MMRN2: variants seen among roughly 807,000 people sequenced by gnomAD.
The protein encoded by MMRN2 is multimerin 2.
MMRN2 carries 53 observed loss-of-function variants against 68.8 expected under a neutral mutation model. The ratio of observed to expected loss-of-function variants is 0.77; its 90% CI spans 0.62 to 0.97. MMRN2 has a LOEUF of 0.97. Among genes scored for constraint, MMRN2 ranks in the 50% least tolerant of loss-of-function variants. The probability of loss-of-function intolerance (pLI) is 0.00; values close to 1 mark genes in which losing one functional copy is unlikely to be tolerated. For synonymous variants in MMRN2, 564 were observed against 551.6 expected (o/e 1.02, Z -0.32); for missense variants, 1,266 against 1,259.5 (o/e 1.01, Z -0.08).
chr10:86,952,960 T>C (rs1844164827), intron 1 of MMRN2, among the ~76,000 whole-genome samples: 2 of 152,298 alleles, frequency 1.3e-5, no homozygotes, highest in South Asian at 4.1e-4. Flanking sequence ...CCTAGGGTCT[T>C]AATATTATAT....
chr10:86,956,934 C>T (rs1470613237), intron 1 of MMRN2, among the ~76,000 whole-genome samples: 5 of 152,238 alleles, frequency 3.3e-5, no homozygotes, highest in African/African-American at 7.2e-5. Flanking sequence ...AGCAGGGGGC[C>T]GTCTCTGCTC....
At chr10:86,953,056 T>A (rs1353890956) in intron 1 of MMRN2, among the ~76,000 whole-genome samples, 3 of 152,210 alleles carry the variant, frequency 2.0e-5, no homozygotes, top group African/African-American at 4.8e-5. Context: ...ATATGGCTCC[T>A]TTTGCCCGAC....
At chr10:86,941,352 A>G (rs2133676718) in intron 6 of MMRN2, among the ~76,000 whole-genome samples, 1 of 152,346 alleles carries the variant, frequency 6.6e-6, no homozygotes, top group African/African-American at 2.4e-5. Context: ...TTTAACTTGT[A>G]AATTAGGCAC....
rs565501854 is a variant in MMRN2 at position 86,942,849 on chromosome 10, A to G, written c.1935T>C (p.Ala645=). 6.4e-5 allele frequency: 89 copies of G among 1,389,868 alleles called. No individual in the cohort carries two copies. In the African/African-American group the frequency reaches 1.2e-3, roughly 19 times the overall value. The allele number at this position is 1,389,868 out of a possible 1,614,324, so 86.1% of individuals were successfully genotyped here. Residue 645 remains alanine (A), a synonymous_variant, in exon 6 of 7, where the codon GCT becomes GCC. Coordinates refer to ENST00000372027, the MANE Select transcript of MMRN2 (RefSeq NM_024756.3). ...EQIRVALQDA[A]SGLQEQALGW... ...CGAGCGCCTGCTCCTGCAGCCCGCT[A>G]GCGGCGTCCTGCAGGGCCACGCGGA...
chr10:86,951,958 G>A (rs1844150474), intron 1 of MMRN2, among the ~76,000 whole-genome samples: 1 of 152,186 alleles, frequency 6.6e-6, no homozygotes, highest in African/African-American at 2.4e-5. Flanking sequence ...TGAGGTGGAA[G>A]GATTGCTTGA....
In MMRN2 at chr10:86,944,303, T is replaced by A. The variant is rs755337097; in HGVS notation, c.614A>T (p.Asn205Ile). Residue 205 changes from asparagine to isoleucine, a missense_variant, in exon 5 of 7, where the codon AAC becomes ATC. Physicochemically the swap from Asn to Ile is moderately radical, Grantham distance 149 (BLOSUM62 -3). Coordinates refer to ENST00000372027, the MANE Select transcript of MMRN2 (RefSeq NM_024756.3). The stretch of plus-strand genomic sequence containing the variant: ...TGCTTCCATCACTGCAGCTGTGAGG[T>A]TACCAGGCAGGGCTTTCCACAGGCC... Reference protein sequence around the residue: ...LPGLWKALPGNLTAAVMEANQ... With the variant: ...LPGLWKALPGILTAAVMEANQ... 2 of 1,613,088 alleles carry A rather than the reference T, an allele frequency of 1.2e-6. No homozygotes were observed. The highest frequency in any genetic ancestry group is 1.7e-6 in the Non-Finnish European group (2 of 1,179,480).
Position 86,938,718 on chromosome 10 carries a change from A to G in MMRN2, c.2468-1593T>C, listed in dbSNP as rs775370909. On this transcript the variant is annotated intron_variant, in intron 6 of 6. Transcript: ENST00000372027. ...CTTCAGAGGAGCAGTTTGCTGAGCA[A>G]TTACTGACTTGGGTCCCGGAACTCA... is the stretch of plus-strand genomic sequence containing the variant. Among the ~76,000 whole-genome samples, 29 of 152,366 alleles carry G rather than the reference A, an allele frequency of 1.9e-4. No individual in the cohort carries two copies. The Middle Eastern group carries it at 0.01, about 54-fold the overall frequency.
At chr10:86,952,144 T>C (rs1203164519) in intron 1 of MMRN2, among the ~76,000 whole-genome samples, 1 of 152,180 alleles carries the variant, frequency 6.6e-6, no homozygotes, top group Non-Finnish European at 1.5e-5. Flanking sequence ...TGATGGGGCG[T>C]TGGCTCAGGA....
Position 86,944,270 on chromosome 10 carries a change from G to C in MMRN2, c.647C>G (p.Thr216Arg), listed in dbSNP as rs143561077. The change falls in exon 5 of 7, where the codon ACA becomes AGA. Residue 216 changes from threonine to arginine, a missense_variant. By Grantham distance (71) the Thr-to-Arg change is moderately conservative. Coordinates refer to ENST00000372027, the MANE Select transcript of MMRN2 (RefSeq NM_024756.3). ...LTAAVMEANQ[T>R]GHEFPDRSLE... ...TAGAGCCTGCCACTCACCGTGCCCT[G>C]TTTGATTTGCTTCCATCACTGCAGC... 1.0e-5 allele frequency: 16 copies of C among 1,607,260 alleles called. No homozygotes were observed. The East Asian group carries it at 2.5e-4, about 25-fold the overall frequency.
chr10:86,947,007 C>T (rs1348649331), intron 1 of MMRN2, among the ~76,000 whole-genome samples: 1 of 152,110 alleles, frequency 6.6e-6, no homozygotes, highest in East Asian at 1.9e-4. Flanking sequence ...AGGGAGAAGC[C>T]AGACCTCAGC....
At position 86,942,698 on chromosome 10, in the gene MMRN2, C is replaced by A. The variant is rs776827575; in HGVS notation, c.2086G>T (p.Gly696Trp). The change falls in exon 6 of 7, where the codon GGG becomes TGG. Residue 696 changes from glycine to tryptophan, a missense_variant. Transcript: ENST00000372027. ...AGGCTCTGGAGCTCCCGCGCCAGCC[C>A]GGCCAGGGCGGTGGTGGCGGCCTCC... is the stretch of plus-strand genomic sequence containing the variant. ...REEAATTALA[G>W]LARELQSLSN... 7 of 1,550,924 alleles carry A rather than the reference C, an allele frequency of 4.5e-6. No individual in the cohort carries two copies. In the Admixed American group the frequency reaches 7.3e-5, roughly 16 times the overall value.
chr10:86,955,262 G>A (rs967823390), intron 1 of MMRN2, among the ~76,000 whole-genome samples: 1 of 152,142 alleles, frequency 6.6e-6, no homozygotes, highest in Non-Finnish European at 1.5e-5. Flanking sequence ...TGGGTCTGAG[G>A]CACCCACATT....
intron 1 of MMRN2, among the ~76,000 whole-genome samples, chr10:86,950,995 GGATAATT>G (rs1589306186): frequency 6.6e-6 from 1 of 152,100 alleles, no homozygotes; most frequent in East Asian, 1.9e-4. Flanking sequence ...GGCTGAGGCA[GGATAATT>G]GCTTGAATCT....
Position 86,936,807 on chromosome 10 carries a change from C to G in MMRN2, c.2786G>C (p.Gly929Ala), listed in dbSNP as rs1383439074. 6.2e-7 allele frequency: 1 copy of G among 1,614,182 alleles called. No homozygotes were observed. Residue 929 changes from glycine (G) to alanine (A), a missense_variant, in exon 7 of 7, where the codon GGA becomes GCA. By Grantham distance (60) the Gly-to-Ala change is moderately conservative. Coordinates refer to ENST00000372027, the MANE Select transcript of MMRN2 (RefSeq NM_024756.3). The stretch of plus-strand genomic sequence containing the variant: ...CGACAGGCTTCTCTTTGTTATTGAT[C>G]CCTGGGTTAACTCAAACCATACTCG... ...GERVWFELTQ[G>A]SITKRSLSGT...
Position 86,945,429 on chromosome 10 carries a change from A to G in MMRN2, c.341T>C (p.Leu114Pro). The G allele has an allele frequency of 6.4e-7, 1 of 1,572,986 alleles. No individual in the cohort carries two copies. Among genetic ancestry groups the G allele is most frequent in the East Asian group, 2.3e-5 (1 of 43,220 alleles). Reference protein sequence around the residue: ...KPVYQVKQKVLTSLAWRCCPG... With the variant: ...KPVYQVKQKVPTSLAWRCCPG... ...GCAGCACCTCCAGGCCAAAGAGGTC[A>G]GCACCTTCTGCTTGACCTGGTACAC... The change falls in exon 3 of 7, where the codon CTG (leucine) becomes CCG (proline). Residue 114 changes from leucine to proline, a missense_variant. Transcript: ENST00000372027.
rs1564732417 is a variant in MMRN2 at position 86,943,944 on chromosome 10, G to A, written c.840C>T (p.Ala280=). Residue 280 remains alanine (A), a synonymous_variant, in exon 6 of 7, where the codon GCC becomes GCT. Transcript: ENST00000372027. The surrounding 1 kb of genome is among the most constrained non-coding windows in gnomAD (Gnocchi z 4.2). ...GCTCCTGGAAGTCAGCCCTGGCCACGGCACTGTCCTGGACTCTGGAGATGG... is the reference window on the plus strand; with the variant it reads ...GCTCCTGGAAGTCAGCCCTGGCCACAGCACTGTCCTGGACTCTGGAGATGG... ...RQAISRVQDS[A]VARADFQELG... is the part of the protein sequence containing the mutation. The A allele has an allele frequency of 5.0e-6, 8 of 1,614,028 alleles. No individual in the cohort carries two copies. Among genetic ancestry groups the A allele is most frequent in the South Asian group, 2.2e-5 (2 of 91,088 alleles).
At chr10:86,947,625 C>A (rs35211580) in intron 1 of MMRN2, among the ~76,000 whole-genome samples, 1,570 of 152,138 alleles carry the variant, frequency 0.01, 16 homozygotes, top group Non-Finnish European at 0.017. Flanking sequence ...CCTGCCTCAG[C>A]CTCCCAAAGT....
rs976634583 is a variant in MMRN2 at position 86,935,739 on chromosome 10, T to C, written c.*1004A>G. The C allele has an allele frequency of 6.6e-6, 1 of 152,258 alleles. No homozygotes were observed. Among genetic ancestry groups the C allele is most frequent in the Non-Finnish European group, 1.5e-5 (1 of 68,070 alleles). 9.4% of individuals were successfully genotyped at this position (152,258 alleles called of 1,614,324 possible). On this transcript the variant is annotated 3_prime_UTR_variant, in exon 7 of 7. Transcript: ENST00000372027. Reference sequence around the variant, plus strand: ...TTGGCATTTCTTGGTCTTTACCCTATGTAAGGCAAGGAGAAAAAGACATGA... The same window carrying C: ...TTGGCATTTCTTGGTCTTTACCCTACGTAAGGCAAGGAGAAAAAGACATGA...
chr10:86,947,032 A>G (rs919233701), intron 1 of MMRN2, among the ~76,000 whole-genome samples: 1 of 152,116 alleles, frequency 6.6e-6, no homozygotes, highest in Admixed American at 6.5e-5. Flanking sequence ...GAGCTGGCCC[A>G]TGTCCTGAGG....
Sources: allele counts gnomAD v4.1 joint callset (sites outside exome capture counted in the v4.1 genomes callset), GRCh38; gene constraint gnomAD v4.1.1; non-coding constraint Gnocchi (gnomAD v3.1); transcripts MANE v1.5; gene names NCBI Gene and HGNC (gene_info 2026-07-23, HGNC 2026-07-21).